CELSR1: variants seen among roughly 807,000 people sequenced by gnomAD.
CELSR1 encodes the protein cadherin EGF LAG seven-pass G-type receptor 1.
A neutral mutation model predicts 249.1 loss-of-function variants in CELSR1; 110 were observed. That is an observed-to-expected ratio of 0.44 (90% CI 0.38 to 0.52). The LOEUF (loss-of-function observed/expected upper bound fraction) is 0.52. Ranked by LOEUF, CELSR1 falls within the 20% of genes least tolerant of loss-of-function variation. The probability of loss-of-function intolerance (pLI) is 0.00; values close to 1 mark genes in which losing one functional copy is unlikely to be tolerated. For synonymous variants in CELSR1, 2,113 were observed against 1,900.0 expected (o/e 1.11, Z -2.92); for missense variants, 4,109 against 4,296.4 (o/e 0.96, Z 1.22).
chr22:46,369,732 A>G lies in CELSR1; in HGVS notation c.7832T>C (p.Leu2611Pro). 6.2e-7 allele frequency: 1 copy of G among 1,613,482 alleles called. No individual in the cohort carries two copies. Among genetic ancestry groups the G allele is most frequent in the Non-Finnish European group, 8.5e-7 (1 of 1,179,976 alleles). Residue 2611 changes from leucine (L) to proline (P), a missense_variant, in exon 26 of 35, where the codon CTG becomes CCG. Transcript: ENST00000674500. ...GATGGGCCCCGCAAAGCTCCAAATC[A>G]GGGTGTCTTGAAGCGACAGCCAGCA... ...DFCWLSLQDTLIWSFAGPIGA... is the reference protein window; with the variant it reads ...DFCWLSLQDTPIWSFAGPIGA...
At chr22:46,497,757 C>T (rs973827243) in intron 1 of CELSR1, among the ~76,000 whole-genome samples, 1 of 152,114 alleles carries the variant, frequency 6.6e-6, no homozygotes, top group African/African-American at 2.4e-5. Context: ...ATGGAGTAAT[C>T]CTTAAACACA....
Position 46,384,617 on chromosome 22 carries a change from T to C in CELSR1, c.6809A>G (p.His2270Arg). Reference sequence around the variant, plus strand: ...CTCCAGCTCCCTGGGGAACTCTTCATGGATGGTGTCGAATCGCGGGACCCT... The same window carrying C: ...CTCCAGCTCCCTGGGGAACTCTTCACGGATGGTGTCGAATCGCGGGACCCT... The part of the protein sequence containing the change: ...GARVPRFDTI[H>R]EEFPRELESS... Residue 2270 changes from histidine to arginine, a missense_variant, in exon 20 of 35, where the codon CAT (histidine) becomes CGT (arginine). Physicochemically the swap from His to Arg is conservative, Grantham distance 29 (BLOSUM62 0). Transcript: ENST00000674500. 6.2e-7 allele frequency: 1 copy of C among 1,613,846 alleles called. No homozygotes were observed. Among genetic ancestry groups the C allele is most frequent in the Non-Finnish European group, 8.5e-7 (1 of 1,179,908 alleles).
chr22:46,482,506 G>A (rs766004807), intron 1 of CELSR1, among the ~76,000 whole-genome samples: 8 of 152,148 alleles, frequency 5.3e-5, no homozygotes, highest in African/African-American at 9.7e-5. Flanking sequence ...CAGTTTTACT[G>A]ATGAGGAAAC....
At chr22:46,458,901 GTTT>G (rs1021287361) in intron 2 of CELSR1, among the ~76,000 whole-genome samples, 4 of 152,058 alleles carry the variant, frequency 2.6e-5, no homozygotes, top group African/African-American at 9.6e-5. Flanking sequence ...TTTTGTTTGT[GTTT>G]TTGTTTTTGA....
At position 46,467,095 on chromosome 22, in the gene CELSR1, C is replaced by T. The variant is rs8140478; in HGVS notation, c.3545-2750G>A. Among the ~76,000 whole-genome samples the T allele has an allele frequency of 2.3e-3, 354 of 152,264 alleles. 1 individual carries two copies. The highest frequency in any genetic ancestry group is 8.1e-3 in the African/African-American group (338 of 41,552). On this transcript the variant is annotated intron_variant, in intron 1 of 34. Coordinates refer to ENST00000674500, the MANE Select transcript of CELSR1 (RefSeq NM_001378328.1). Reference sequence around the variant, plus strand: ...TCTGTGGTATTTTTAAATGGCAGCCCTAGCAGACTGACATATATTAATTCA... The same window carrying T: ...TCTGTGGTATTTTTAAATGGCAGCCTTAGCAGACTGACATATATTAATTCA...
At chr22:46,480,414 G>C (rs1361761492) in intron 1 of CELSR1, among the ~76,000 whole-genome samples, 2 of 152,140 alleles carry the variant, frequency 1.3e-5, no homozygotes, top group East Asian at 3.8e-4. Flanking sequence ...CAAATGATAA[G>C]GAACCTTTCA....
rs772168687 is a variant in CELSR1, at chr22:46,397,625, C to A, written c.5701+49G>T. 5.7e-6 allele frequency: 8 copies of A among 1,395,632 alleles called. No homozygotes were observed. The Admixed American group carries it at 1.7e-4, about 30-fold the overall frequency. 86.5% of individuals were successfully genotyped at this position (1,395,632 alleles called of 1,614,324 possible). On this transcript the variant is annotated intron_variant, in intron 12 of 34. Coordinates refer to ENST00000674500, the MANE Select transcript of CELSR1 (RefSeq NM_001378328.1). ...ACTGAGCCCCCCTCCTGTGTTTCAG[C>A]CATAAGAGACCTCCCTGTCACTGAA...
chr22:46,429,372 C>A lies in CELSR1; in HGVS notation c.4611+4021G>T, dbSNP rs1645533570. On this transcript the variant is annotated intron_variant, in intron 5 of 34. Coordinates refer to ENST00000674500, the MANE Select transcript of CELSR1 (RefSeq NM_001378328.1). The surrounding 1 kb of genome is among the most constrained non-coding windows in gnomAD (Gnocchi z 4.1). ...ACAAACAAACAAACAAAAAACCAGC[C>A]TGGGGTGAAGCAACGACTGAAAATG... 6.6e-6 allele frequency among the ~76,000 whole-genome samples: 1 copy of A among 152,182 alleles called. No homozygotes were observed. The highest frequency in any genetic ancestry group is 1.5e-5 in the Non-Finnish European group (1 of 68,042).
intron 2 of CELSR1, among the ~76,000 whole-genome samples, chr22:46,460,200 CA>C (rs1569179823): frequency 8.0e-4 from 98 of 122,008 alleles, no homozygotes; most frequent in African/African-American, 3.0e-3. Context: ...CACACACACA[CA>C]CACACACACA....
chr22:46,533,199 T>C (rs2080810067), intron 1 of CELSR1, among the ~76,000 whole-genome samples: 2 of 152,172 alleles, frequency 1.3e-5, no homozygotes, highest in African/African-American at 4.8e-5. Flanking sequence ...GGTCCCACCC[T>C]GGAATTAATT....
intron 1 of CELSR1, among the ~76,000 whole-genome samples, chr22:46,516,173 C>T (rs548908941): frequency 6.6e-6 from 1 of 152,288 alleles, no homozygotes; most frequent in Non-Finnish European, 1.5e-5. Flanking sequence ...TTTATTGCGG[C>T]ACTACTCACA....
At chr22:46,370,113 A>T (rs1309102982) in intron 25 of CELSR1, 1 of 497,428 alleles carries the variant, frequency 2.0e-6, no homozygotes, top group South Asian at 1.5e-5. Context: ...ATGGTGCAGG[A>T]GGGATCGTGA....
chr22:46,363,562 TGGAG>T lies in CELSR1; in HGVS notation c.9036-319_9036-316del. The T allele has an allele frequency of 1.2e-5, 4 of 345,258 alleles. No homozygotes were observed. Among genetic ancestry groups the T allele is most frequent in the East Asian group, 5.8e-5 (1 of 17,364 alleles). 21.4% of individuals were successfully genotyped at this position (345,258 alleles called of 1,614,324 possible). A position where few individuals can be genotyped will look rare whatever the true frequency, so the allele number is the denominator to read the frequency against. On this transcript the variant is annotated intron_variant, in intron 34 of 34. Transcript: ENST00000674500. The surrounding 1 kb of genome is among the most constrained non-coding windows in gnomAD (Gnocchi z 4.3). ...AGACCTGGCTTCTCCCTTGTGAGTT[TGGAG>T]GGAGGGAGGGGCGACAGGGAGAGGT...
chr22:46,498,975 T>C (rs1404634334), intron 1 of CELSR1, among the ~76,000 whole-genome samples: 2 of 150,918 alleles, frequency 1.3e-5, no homozygotes, highest in Non-Finnish European at 3.0e-5. Flanking sequence ...AGGTCAGGAG[T>C]TCAAGACCAG....
chr22:46,434,815 A>G lies in CELSR1; in HGVS notation c.4523-1334T>C, dbSNP rs866282806. On this transcript the variant is annotated intron_variant, in intron 4 of 34. Transcript: ENST00000674500. This position sits in a 1 kb window ranked among gnomAD's most constrained non-coding sequence, Gnocchi z 4.9. ...AGTTCAAGACCAGCCTGGCCAACAC[A>G]GTGAAACCCTGTCTCTACTAAAAAT... is the stretch of plus-strand genomic sequence containing the variant. Among the ~76,000 whole-genome samples the G allele has an allele frequency of 9.7e-4, 147 of 152,204 alleles. 1 individual carries two copies. The highest frequency in any genetic ancestry group is 3.4e-3 in the Middle Eastern group (1 of 294).
intron 1 of CELSR1, among the ~76,000 whole-genome samples, chr22:46,530,794 C>A (rs5768910): frequency 0.36 from 54,268 of 151,762 alleles, 9,966 homozygotes; most frequent in Non-Finnish European, 0.41. Flanking sequence ...CTTCCCAGGC[C>A]CTGCCCTCCG....
chr22:46,368,946 GC>G (rs2078818645), intron 27 of CELSR1, among the ~76,000 whole-genome samples: 1 of 151,338 alleles, frequency 6.6e-6, no homozygotes, highest in African/African-American at 2.4e-5. Flanking sequence ...CTGGCTGCCA[GC>G]CCCCTCCCTT....
At position 46,534,881 on chromosome 22, in the gene CELSR1, C is replaced by T. The variant is rs1417412247; in HGVS notation, c.2290G>A (p.Ala764Thr). 2.5e-6 allele frequency: 4 copies of T among 1,612,496 alleles called. No individual in the cohort carries two copies. The highest frequency in any genetic ancestry group is 1.3e-5 in the African/African-American group (1 of 74,898). Residue 764 changes from alanine (A) to threonine (T), a missense_variant, in exon 1 of 35, where the codon GCA becomes ACA. Ala to Thr is a moderately conservative substitution (Grantham distance 58). Around this residue, in one of 7 missense-constraint regions of CELSR1, gnomAD observed 886 missense variants for 896.5 expected, o/e 0.99. Coordinates refer to ENST00000674500, the MANE Select transcript of CELSR1 (RefSeq NM_001378328.1). The surrounding 1 kb of genome is among the most constrained non-coding windows in gnomAD (Gnocchi z 9.7). ...GTGTGCGACCGTGTGCCGTCGGATG[C>T]TGTCACCGCCAGCACGTACTGCTGC... ...QEQQYVLAVT[A>T]SDGTRSHTAH... is the part of the protein sequence containing the mutation.
rs1017063054 is a variant in CELSR1 at position 46,399,748 on chromosome 22, A to G, written c.5381T>C (p.Val1794Ala). Residue 1794 changes from valine (V) to alanine (A), a missense_variant, in exon 10 of 35, where the codon GTC (valine) becomes GCC (alanine). By Grantham distance (64) the Val-to-Ala change is moderately conservative. Around this residue, in one of 7 missense-constraint regions of CELSR1, gnomAD observed 1,805 missense variants for 1,831.6 expected, o/e 0.99. Coordinates refer to ENST00000674500, the MANE Select transcript of CELSR1 (RefSeq NM_001378328.1). The surrounding 1 kb of genome is among the most constrained non-coding windows in gnomAD (Gnocchi z 5.0). ...VKEDSEMKHL[V>A]TMTLDYGMDQ... ...CATCCCATAGTCCAAGGTCATGGTG[A>G]CCAGGTGCTTCATCTCACTGTCCTC... is the stretch of plus-strand genomic sequence containing the variant. 6 of 1,613,896 alleles carry G rather than the reference A, an allele frequency of 3.7e-6. No homozygotes were observed. The African/African-American group carries it at 4.0e-5, about 11-fold the overall frequency.
Sources: allele counts gnomAD v4.1 joint callset (sites outside exome capture counted in the v4.1 genomes callset), GRCh38; gene constraint gnomAD v4.1.1; regional missense constraint gnomAD v4.1.1; non-coding constraint Gnocchi (gnomAD v3.1); transcripts MANE v1.5; gene names NCBI Gene and HGNC (gene_info 2026-07-23, HGNC 2026-07-21).